TMEM132B: variants seen among roughly 807,000 people sequenced by gnomAD.
TMEM132B encodes transmembrane protein 132B.
Under a neutral mutation model 90.8 loss-of-function variants are expected in TMEM132B, and 18 were observed. The ratio of observed to expected loss-of-function variants is 0.20; its 90% confidence interval spans 0.14 to 0.29. The LOEUF (loss-of-function observed/expected upper bound fraction) is 0.29, where lower values mean the gene tolerates loss of function less well. Among genes scored for constraint, TMEM132B ranks in the 10% least tolerant of loss-of-function variants. The pLI is 1.00. For synonymous variants in TMEM132B, 504 were observed against 523.3 expected (o/e 0.96, Z 0.50); for missense variants, 1,096 against 1,326.8 (o/e 0.83, Z 2.70).
At chr12:125,563,104 A>G (rs1884573284) in intron 4 of TMEM132B, among the ~76,000 whole-genome samples, 3 of 151,266 alleles carry the variant, frequency 2.0e-5, no homozygotes, top group Admixed American at 2.0e-4. Context: ...AAAGAATTAC[A>G]ATGGGAACAT....
intron 4 of TMEM132B, among the ~76,000 whole-genome samples, chr12:125,567,979 G>C (rs1373778457): frequency 1.3e-5 from 2 of 152,166 alleles, no homozygotes; most frequent in African/African-American, 4.8e-5. Flanking sequence ...GGACACCTCG[G>C]AGCCAGCCCA....
chr12:125,188,865 A>AAAG (rs1555230828), intron 1 of TMEM132B, among the ~76,000 whole-genome samples: 6 of 133,432 alleles, frequency 4.5e-5, no homozygotes, highest in Admixed American at 7.5e-5. Flanking sequence ...AAAAAAAAAA[A>AAAG]AAAAAAAAGA....
intron 4 of TMEM132B, among the ~76,000 whole-genome samples, chr12:125,560,734 A>G (rs897484245): frequency 2.0e-4 from 30 of 148,050 alleles, no homozygotes; most frequent in Admixed American, 3.4e-4. Context: ...CTGAGGCAGG[A>G]CAATGGCGTG....
intron 4 of TMEM132B, among the ~76,000 whole-genome samples, chr12:125,521,502 T>G (rs1883306186): frequency 6.6e-6 from 1 of 152,168 alleles, no homozygotes; most frequent in Non-Finnish European, 1.5e-5. Context: ...ACAGAGCAGC[T>G]TTAAATGCAA....
chr12:125,620,426 T>A (rs1886090220), intron 5 of TMEM132B, among the ~76,000 whole-genome samples: 1 of 152,168 alleles, frequency 6.6e-6, no homozygotes, highest in African/African-American at 2.4e-5. Context: ...CAAGTGAGCC[T>A]CCTTCCACAA....
At chr12:125,281,074 G>A (rs1875155125) in intron 1 of TMEM132B, among the ~76,000 whole-genome samples, 1 of 152,226 alleles carries the variant, frequency 6.6e-6, no homozygotes, top group Non-Finnish European at 1.5e-5. Context: ...CCTTGGGGTG[G>A]AGAGGGGTGA....
At chr12:125,307,810 TATA>T (rs1876023880) in intron 1 of TMEM132B, among the ~76,000 whole-genome samples, 1 of 131,554 alleles carries the variant, frequency 7.6e-6, no homozygotes, top group Non-Finnish European at 1.6e-5. Flanking sequence ...TATATATACT[TATA>T]ATACTTATAA....
chr12:125,567,983 C>T (rs927839201), intron 4 of TMEM132B, among the ~76,000 whole-genome samples: 13 of 152,180 alleles, frequency 8.5e-5, no homozygotes, highest in African/African-American at 3.1e-4. Context: ...ACCTCGGAGC[C>T]AGCCCAGGGT....
chr12:125,529,646 G>A (rs1315422599), intron 4 of TMEM132B, among the ~76,000 whole-genome samples: 1 of 152,232 alleles, frequency 6.6e-6, no homozygotes, highest in Non-Finnish European at 1.5e-5. Flanking sequence ...GGAAGGGCCA[G>A]CAGGTGCCAC....
At chr12:125,205,404 A>C (rs1055255149) in intron 1 of TMEM132B, among the ~76,000 whole-genome samples, 1 of 151,488 alleles carries the variant, frequency 6.6e-6, no homozygotes, top group Non-Finnish European at 1.5e-5. Flanking sequence ...CTTAATATGA[A>C]ATATCTCGTG....
intron 1 of TMEM132B, among the ~76,000 whole-genome samples, chr12:125,341,755 G>C (rs1196032454): frequency 2.0e-5 from 3 of 152,188 alleles, no homozygotes; most frequent in Non-Finnish European, 4.4e-5. Flanking sequence ...AACTCTGAGG[G>C]GGCAGGTCCT....
chr12:125,628,189 T>C (rs892379638), intron 5 of TMEM132B, among the ~76,000 whole-genome samples: 1 of 152,186 alleles, frequency 6.6e-6, no homozygotes, highest in East Asian at 1.9e-4. Flanking sequence ...CTGGACTATA[T>C]GATAGCTCAA....
At chr12:125,556,125 T>G (rs984355480) in intron 4 of TMEM132B, among the ~76,000 whole-genome samples, 6 of 152,248 alleles carry the variant, frequency 3.9e-5, no homozygotes, top group African/African-American at 1.2e-4. Context: ...TGGTATCAGT[T>G]GTTGCTCATG....
intron 4 of TMEM132B, among the ~76,000 whole-genome samples, chr12:125,543,568 G>A (rs1342404069): frequency 6.6e-6 from 1 of 152,178 alleles, no homozygotes; most frequent in Non-Finnish European, 1.5e-5. Context: ...TGACTGTAGT[G>A]CTTTTTAAAT....
rs1280350676 is a variant in TMEM132B, at chr12:125,350,284, C to T, written c.900C>T (p.Asp300=). Reference sequence around the variant, plus strand: ...CTCTGAATCTAGTCCGGGAAGGGGACACGGCCACCTTTTTGGTCTCTCTGA... The same window carrying T: ...CTCTGAATCTAGTCCGGGAAGGGGATACGGCCACCTTTTTGGTCTCTCTGA... ...SVPLNLVREG[D]TATFLVSLTS... Residue 300 remains aspartate (D), a synonymous_variant, in exon 2 of 9, where the codon GAC becomes GAT. Transcript: ENST00000682704. 1 of 1,613,906 alleles carries T rather than the reference C, an allele frequency of 6.2e-7. No individual in the cohort carries two copies. Among genetic ancestry groups the T allele is most frequent in the African/African-American group, 1.3e-5 (1 of 75,032 alleles).
At chr12:125,309,283 C>T (rs972045669) in intron 1 of TMEM132B, among the ~76,000 whole-genome samples, 6 of 152,140 alleles carry the variant, frequency 3.9e-5, no homozygotes, top group African/African-American at 1.4e-4. Context: ...AGAAAAATAT[C>T]ACTTTATCTG....
chr12:125,374,290 CCT>C (rs1489219071), intron 2 of TMEM132B, among the ~76,000 whole-genome samples: 1 of 152,182 alleles, frequency 6.6e-6, no homozygotes, highest in Non-Finnish European at 1.5e-5. Context: ...TCTCTGAAGT[CCT>C]CTGTCTGGAG....
intron 3 of TMEM132B, among the ~76,000 whole-genome samples, chr12:125,433,542 T>G (rs1880606301): frequency 1.3e-5 from 2 of 150,582 alleles, no homozygotes; most frequent in Admixed American, 1.3e-4. Flanking sequence ...TATTATACTT[T>G]AAGTTTTAGG....
chr12:125,367,928 C>A (rs999116412), intron 2 of TMEM132B, among the ~76,000 whole-genome samples: 1 of 151,706 alleles, frequency 6.6e-6, no homozygotes, highest in African/African-American at 2.4e-5. Flanking sequence ...TTCCTTCTTT[C>A]TTGATTAATC....
Sources: allele counts gnomAD v4.1 joint callset (sites outside exome capture counted in the v4.1 genomes callset), GRCh38; gene constraint gnomAD v4.1.1; transcripts MANE v1.5; gene names NCBI Gene and HGNC (gene_info 2026-07-23, HGNC 2026-07-21).